Variants in POU6F2 observed in about 807,000 individuals in gnomAD.
POU6F2 encodes POU domain, class 6, transcription factor 2.
A neutral mutation model predicts 71.3 loss-of-function variants in POU6F2; 31 were observed. That is an observed-to-expected ratio of 0.43 (90% confidence interval 0.33 to 0.59). The LOEUF (loss-of-function observed/expected upper bound fraction) is 0.59. POU6F2 is among the 20% of genes least tolerant of loss of function. POU6F2 has a pLI of 0.04. For synonymous variants in POU6F2, 347 were observed against 355.7 expected (o/e 0.98, Z 0.27); for missense variants, 783 against 856.8 (o/e 0.91, Z 1.07).
intron 4 of POU6F2, among the ~76,000 whole-genome samples, chr7:39,265,885 C>T (rs1445064205): frequency 6.6e-6 from 1 of 152,196 alleles, no homozygotes; most frequent in Non-Finnish European, 1.5e-5. Flanking sequence ...TGAAGAAGAT[C>T]AAATTAATTA....
At chr7:39,063,164 T>G (rs1246613509) in intron 1 of POU6F2, among the ~76,000 whole-genome samples, 1 of 152,074 alleles carries the variant, frequency 6.6e-6, no homozygotes, top group Non-Finnish European at 1.5e-5. Context: ...TAAATATGAT[T>G]TACGGTAAAA....
intron 6 of POU6F2, among the ~76,000 whole-genome samples, chr7:39,415,225 G>T (rs924926574): frequency 6.6e-5 from 10 of 152,120 alleles, no homozygotes; most frequent in Non-Finnish European, 1.5e-4. Context: ...GTTTCACCAT[G>T]TTGTCCAGGC....
intron 4 of POU6F2, among the ~76,000 whole-genome samples, chr7:39,307,512 T>C (rs1298827252): frequency 1.3e-5 from 2 of 152,232 alleles, no homozygotes; most frequent in African/African-American, 4.8e-5. Flanking sequence ...TCAATTTCCA[T>C]AGAGATGATT....
At chr7:39,355,159 G>A (rs548358306) in intron 5 of POU6F2, among the ~76,000 whole-genome samples, 1 of 152,334 alleles carries the variant, frequency 6.6e-6, no homozygotes, top group South Asian at 2.1e-4. Flanking sequence ...CCTTTCTAGG[G>A]ATCCTTGTGA....
At chr7:39,417,469 A>G (rs1464506135) in intron 6 of POU6F2, among the ~76,000 whole-genome samples, 5 of 152,188 alleles carry the variant, frequency 3.3e-5, no homozygotes, top group Non-Finnish European at 7.3e-5. Context: ...CCAAATTGCC[A>G]TTTGTCTCAT....
chr7:39,214,059 A>G lies in POU6F2; in HGVS notation c.598+6439A>G, dbSNP rs567758749. Among the ~76,000 whole-genome samples the G allele has an allele frequency of 2.0e-5, 3 of 152,334 alleles. 1 individual carries two copies. In the South Asian group the frequency reaches 6.2e-4, roughly 32 times the overall value. Reference sequence around the variant, plus strand: ...GGATGTGTAGCTCCTTTGAAAATGCAGTCCCTCAGAAAAGGGAATGCTTCT... The same window carrying G: ...GGATGTGTAGCTCCTTTGAAAATGCGGTCCCTCAGAAAAGGGAATGCTTCT... On this transcript the variant is annotated intron_variant, in intron 4 of 9. Transcript: ENST00000518318.
chr7:39,178,413 TATA>T (rs1340078925), intron 2 of POU6F2, among the ~76,000 whole-genome samples: 16 of 152,188 alleles, frequency 1.1e-4, no homozygotes, highest in African/African-American at 3.6e-4. Context: ...ATAATTTGAT[TATA>T]AAAGTAGTCT....
At chr7:39,336,580 A>G (rs1785783040) in intron 4 of POU6F2, among the ~76,000 whole-genome samples, 1 of 152,204 alleles carries the variant, frequency 6.6e-6, no homozygotes, top group Admixed American at 6.5e-5. Context: ...TTTCAGTGAT[A>G]AGCCCTGCTG....
At chr7:39,134,783 A>T (rs1792356205) in intron 2 of POU6F2, among the ~76,000 whole-genome samples, 1 of 152,224 alleles carries the variant, frequency 6.6e-6, no homozygotes, top group Admixed American at 6.5e-5. Flanking sequence ...ACAGATGGCT[A>T]GTCTCTGTTC....
chr7:39,241,695 C>G (rs932140661), intron 4 of POU6F2, among the ~76,000 whole-genome samples: 1 of 152,022 alleles, frequency 6.6e-6, no homozygotes, highest in Non-Finnish European at 1.5e-5. Context: ...TAACTTGGCT[C>G]TTTGATTAGG....
intron 4 of POU6F2, among the ~76,000 whole-genome samples, chr7:39,303,028 A>G (rs1436700029): frequency 6.6e-6 from 1 of 152,248 alleles, no homozygotes; most frequent in Non-Finnish European, 1.5e-5. Context: ...AGTGATGCTC[A>G]TGCTGTTGGC....
At chr7:39,387,243 A>G (rs1786964507) in intron 5 of POU6F2, among the ~76,000 whole-genome samples, 1 of 152,238 alleles carries the variant, frequency 6.6e-6, no homozygotes, top group Non-Finnish European at 1.5e-5. Flanking sequence ...TTTGAAATAG[A>G]CACATATGGA....
intron 1 of POU6F2, among the ~76,000 whole-genome samples, chr7:39,017,542 A>T (rs959058375): frequency 2.0e-5 from 3 of 152,150 alleles, no homozygotes; most frequent in African/African-American, 4.8e-5. Flanking sequence ...AAGCATCAGG[A>T]GGTCCCCATA....
intron 2 of POU6F2, among the ~76,000 whole-genome samples, chr7:39,106,267 T>G (rs1052054275): frequency 6.6e-6 from 1 of 152,138 alleles, no homozygotes; most frequent in Non-Finnish European, 1.5e-5. Flanking sequence ...TAATACAGAG[T>G]TGATACCATT....
intron 2 of POU6F2, among the ~76,000 whole-genome samples, chr7:39,161,181 G>A (rs1342961220): frequency 6.6e-6 from 1 of 152,096 alleles, no homozygotes; most frequent in African/African-American, 2.4e-5. Flanking sequence ...ACAATCTCTT[G>A]CCTTCTCTCT....
intron 4 of POU6F2, among the ~76,000 whole-genome samples, chr7:39,286,879 C>T (rs4549685): frequency 0.37 from 55,642 of 151,786 alleles, 10,760 homozygotes; most frequent in African/African-American, 0.5. Flanking sequence ...CCTCCCACCT[C>T]GTCCTCCCAA....
intron 6 of POU6F2, among the ~76,000 whole-genome samples, chr7:39,425,567 G>A (rs192682837): frequency 2.0e-4 from 30 of 152,264 alleles, no homozygotes; most frequent in Non-Finnish European, 3.7e-4. Context: ...TAGTATACAC[G>A]TTTAAGTCAG....
chr7:39,218,482 A>T (rs1419452050), intron 4 of POU6F2, among the ~76,000 whole-genome samples: 1 of 152,168 alleles, frequency 6.6e-6, no homozygotes, highest in Non-Finnish European at 1.5e-5. Context: ...TGCAGGGTAG[A>T]TTCCTAGTGA....
chr7:39,426,280 T>C (rs1416784514), intron 6 of POU6F2, among the ~76,000 whole-genome samples: 1 of 152,170 alleles, frequency 6.6e-6, no homozygotes, highest in Non-Finnish European at 1.5e-5. Context: ...CATGAGTTCT[T>C]TTGAGGCCCA....
Sources: allele counts gnomAD v4.1 joint callset (sites outside exome capture counted in the v4.1 genomes callset), GRCh38; gene constraint gnomAD v4.1.1; transcripts MANE v1.5; gene names NCBI Gene and HGNC (gene_info 2026-07-23, HGNC 2026-07-21).